MEP1B: variants seen among roughly 807,000 people sequenced by gnomAD.
The protein encoded by MEP1B is meprin A subunit beta, also known as N-benzoyl-L-tyrosyl-P-amino-benzoic acid hydrolase subunit beta.
In MEP1B, 80 loss-of-function variants were observed where a neutral mutation model predicts 84.6. The ratio of observed to expected loss-of-function variants is 0.95; its 90% CI spans 0.79 to 1.14. The LOEUF is 1.14. Ranked by LOEUF, MEP1B falls within the 50% of genes most tolerant of loss-of-function variation. The pLI, the probability that MEP1B is intolerant of heterozygous loss-of-function variation, is 0.00. For synonymous variants in MEP1B, 273 were observed against 288.1 expected (o/e 0.95, Z 0.53); for missense variants, 766 against 855.1 (o/e 0.90, Z 1.30).
chr18:32,216,979 C>G lies in MEP1B; in HGVS notation c.1760-12C>G, dbSNP rs761227805. On this transcript the variant is annotated splice_polypyrimidine_tract_variant and intron_variant, in intron 12 of 14. Coordinates refer to ENST00000269202, the MANE Select transcript of MEP1B (RefSeq NM_005925.3). ...AGCTGATTTCCATCCACACTCTTCC[C>G]CATCTTCCTAGACATATCTCACCTC... The G allele has an allele frequency of 4.3e-5, 69 of 1,612,900 alleles. No homozygotes were observed. The highest frequency in any genetic ancestry group is 5.7e-5 in the Non-Finnish European group (67 of 1,179,420).
chr18:32,214,746 C>A (rs1189319246), intron 11 of MEP1B, among the ~76,000 whole-genome samples: 3 of 152,142 alleles, frequency 2.0e-5, no homozygotes, highest in Non-Finnish European at 4.4e-5. Context: ...AGCCTTGAAG[C>A]CTATTCTAAA....
intron 7 of MEP1B, among the ~76,000 whole-genome samples, chr18:32,204,757 C>T (rs1034213026): frequency 3.9e-5 from 6 of 152,024 alleles, no homozygotes; most frequent in Non-Finnish European, 8.8e-5. Flanking sequence ...GCTGGAAAGT[C>T]CAAAATCAAG....
intron 11 of MEP1B, among the ~76,000 whole-genome samples, chr18:32,214,537 A>ACC (rs1166501397): frequency 2.0e-5 from 3 of 152,168 alleles, no homozygotes; most frequent in African/African-American, 7.2e-5. Context: ...GACATTAAAA[A>ACC]CAGCTCAGGG....
chr18:32,209,913 T>C (rs2144414781), intron 9 of MEP1B, among the ~76,000 whole-genome samples: 1 of 152,256 alleles, frequency 6.6e-6, no homozygotes, highest in Non-Finnish European at 1.5e-5. Flanking sequence ...GACCTAGAAG[T>C]TCACGTTGAA....
At chr18:32,212,234 A>G (rs1384385563) in intron 10 of MEP1B, among the ~76,000 whole-genome samples, 1 of 152,024 alleles carries the variant, frequency 6.6e-6, no homozygotes, top group Non-Finnish European at 1.5e-5. Context: ...TTGATACACA[A>G]TAACACAAAA....
intron 12 of MEP1B, 31 bp downstream of exon 12, chr18:32,215,292 T>G (rs369978833): frequency 1.4e-6 from 2 of 1,432,232 alleles, no homozygotes; most frequent in East Asian, 4.8e-5. Context: ...TTATATAAAC[T>G]AGTTTTTTTT....
In MEP1B at chr18:32,203,408, T is replaced by C. The variant is rs1232932902; in HGVS notation, c.368+398T>C. Reference sequence around the variant, plus strand: ...AAGAAGGCGACAGTATTATTTGTCTTGAGCTCAGCAATTCTGAGTGGTTGC... The same window carrying C: ...AAGAAGGCGACAGTATTATTTGTCTCGAGCTCAGCAATTCTGAGTGGTTGC... On this transcript the variant is annotated intron_variant, in intron 6 of 14. Coordinates refer to ENST00000269202, the MANE Select transcript of MEP1B (RefSeq NM_005925.3). 2.6e-5 allele frequency among the ~76,000 whole-genome samples: 4 copies of C among 152,250 alleles called. No individual in the cohort carries two copies. The East Asian group carries it at 5.8e-4, about 22-fold the overall frequency.
At position 32,215,237 on chromosome 18, in the gene MEP1B, G is replaced by A. The variant is rs371507792; in HGVS notation, c.1735G>A (p.Val579Ile). 60 of 1,602,342 alleles carry A rather than the reference G, an allele frequency of 3.7e-5. 1 individual carries two copies. In the African/African-American group the frequency reaches 5.0e-4, roughly 13 times the overall value. ...CAGAGATTTTATAAAAGGAGATGATGTTTATATCCTACTGACAGTGGAAGG... is the reference window on the plus strand; with the variant it reads ...CAGAGATTTTATAAAAGGAGATGATATTTATATCCTACTGACAGTGGAAGG... ...KSRDFIKGDD[V>I]YILLTVEDIS... Residue 579 changes from valine (V) to isoleucine (I), a missense_variant, in exon 12 of 15, where the codon GTT becomes ATT. Transcript: ENST00000269202.
intron 11 of MEP1B, among the ~76,000 whole-genome samples, chr18:32,213,955 T>C (rs541282622): frequency 6.6e-6 from 1 of 152,284 alleles, no homozygotes; most frequent in South Asian, 2.1e-4. Flanking sequence ...AGGGCTGTAG[T>C]AATCATTCCA....
intron 11 of MEP1B, among the ~76,000 whole-genome samples, chr18:32,214,399 T>C (rs1357470814): frequency 6.6e-6 from 1 of 152,182 alleles, no homozygotes; most frequent in Non-Finnish European, 1.5e-5. Flanking sequence ...ATGAAAAACA[T>C]GGACCAAATC....
intron 7 of MEP1B, 45 bp downstream of exon 7, chr18:32,204,405 T>A: frequency 6.7e-7 from 1 of 1,489,674 alleles, no homozygotes; most frequent in Non-Finnish European, 9.2e-7. Context: ...AGGACTGAAT[T>A]TCTAAGCATG....
chr18:32,213,069 A>T (rs768717654), intron 10 of MEP1B, 47 bp from the exon 11 acceptor site: 10 of 1,539,822 alleles, frequency 6.5e-6, no homozygotes, highest in Non-Finnish European at 8.0e-6. Context: ...TGACATGTAC[A>T]TGATTTGAAC....
At chr18:32,203,472 C>G (rs999443872) in intron 6 of MEP1B, among the ~76,000 whole-genome samples, 1 of 152,122 alleles carries the variant, frequency 6.6e-6, no homozygotes, top group Non-Finnish European at 1.5e-5. Flanking sequence ...ACAGGCATAA[C>G]GAGGAGCTCA....
intron 4 of MEP1B, 147 bp from the exon 5 acceptor site, chr18:32,195,260 G>A: frequency 2.0e-6 from 1 of 503,906 alleles, no homozygotes; most frequent in Non-Finnish European, 3.4e-6. Context: ...ATAAAAGTAG[G>A]GCTACACACA....
At chr18:32,192,445 C>T (rs66693026) in intron 2 of MEP1B, among the ~76,000 whole-genome samples, 18,735 of 152,058 alleles carry the variant, frequency 0.12, 1,512 homozygotes, top group South Asian at 0.2. Context: ...AGAATACATA[C>T]ATAAAAGCTC....
intron 10 of MEP1B, among the ~76,000 whole-genome samples, chr18:32,212,603 T>C (rs535795200): frequency 2.0e-5 from 3 of 152,022 alleles, no homozygotes; most frequent in Admixed American, 1.3e-4. Context: ...ATCTAAAGAG[T>C]AGATTGCAGG....
At chr18:32,199,428 G>A (rs1470064544) in intron 5 of MEP1B, among the ~76,000 whole-genome samples, 1 of 152,074 alleles carries the variant, frequency 6.6e-6, no homozygotes, top group Non-Finnish European at 1.5e-5. Flanking sequence ...TGAGAAGGGG[G>A]AATTGGCCAG....
rs1470486336 is a variant in MEP1B at position 32,196,178 on chromosome 18, C to T, written c.250+693C>T. The stretch of plus-strand genomic sequence containing the variant: ...TTCTGGAGCTGGTGTCACTGCGCCA[C>T]CTCGGCTTTCAGACTCTCCAAGTCT... On this transcript the variant is annotated intron_variant, in intron 5 of 14. Transcript: ENST00000269202. This position sits in a 1 kb window ranked among gnomAD's most constrained non-coding sequence, Gnocchi z 4.4. 3.1e-6 allele frequency: 2 copies of T among 638,544 alleles called. No homozygotes were observed. Among genetic ancestry groups the T allele is most frequent in the Non-Finnish European group, 5.9e-6 (2 of 339,590 alleles). 39.6% of individuals were successfully genotyped at this position (638,544 alleles called of 1,614,324 possible). A position where few individuals can be genotyped will look rare whatever the true frequency, so the allele number is the denominator to read the frequency against.
intron 4 of MEP1B, 98 bp downstream of exon 4, chr18:32,192,915 C>T: frequency 1.2e-6 from 1 of 866,496 alleles, no homozygotes. Context: ...TTTGTTAAGC[C>T]TAACTATCTC....
Sources: gnomAD v4.1 joint callset for allele counts (sites outside exome capture counted in the v4.1 genomes callset) on GRCh38, gnomAD v4.1.1 for gene constraint, Gnocchi (gnomAD v3.1) non-coding constraint, MANE v1.5 for transcripts, NCBI Gene and HGNC (gene_info 2026-07-23, HGNC 2026-07-21) for gene names.